The following RTL4 variants were observed in gnomAD, a reference collection of about 807,000 sequenced individuals.
The protein encoded by RTL4 is retrotransposon Gag like 4.
RTL4 carries 4 observed loss-of-function variants against 5.3 expected under a neutral mutation model. The observed-to-expected ratio is 0.75, with a 90% CI of 0.37 to 1.72. RTL4 has a LOEUF of 1.72. Among genes scored for constraint, RTL4 ranks in the 40% most tolerant of loss-of-function variants. The pLI is 0.04. For synonymous variants in RTL4, 98 were observed against 87.3 expected, an observed-to-expected ratio of 1.12 and a Z score of -0.68; for missense variants, 260 against 227.1, an observed-to-expected ratio of 1.14 and a Z score of -0.93.
chrX:112,221,072 G>T, the RTL4 span, among the ~76,000 whole-genome samples: 1 of 112,056 alleles, frequency 8.9e-6, no homozygotes, highest in Non-Finnish European at 1.9e-5. Flanking sequence ...CTGAGACTGG[G>T]TAATTTATAC....
upstream of RTL4, among the ~76,000 whole-genome samples, chrX:112,450,810 A>G (rs1184533142): frequency 8.9e-6 from 1 of 112,179 alleles, no homozygotes; most frequent in South Asian, 3.7e-4. Flanking sequence ...AGGAAAATTT[A>G]AAATCTCACA....
At chrX:112,216,684 A>G in the RTL4 span, among the ~76,000 whole-genome samples, 1 of 111,903 alleles carries the variant, frequency 8.9e-6, no homozygotes, top group Non-Finnish European at 1.9e-5. Flanking sequence ...CCCCTCTTTT[A>G]AAGGATTTGT....
chrX:112,293,756 T>G, the RTL4 span, among the ~76,000 whole-genome samples: 1 of 112,273 alleles, frequency 8.9e-6, no homozygotes, highest in South Asian at 3.7e-4. Flanking sequence ...TTCCAAATTT[T>G]TAGGCTTAGA....
upstream of RTL4, among the ~76,000 whole-genome samples, chrX:112,451,350 A>G (rs1174413777): frequency 9.0e-6 from 1 of 110,881 alleles, no homozygotes. Flanking sequence ...ACAACAAAAA[A>G]TAGCCAGGCG....
chrX:112,239,718 C>A, the RTL4 span, among the ~76,000 whole-genome samples: 1 of 111,632 alleles, frequency 9.0e-6, no homozygotes, highest in Non-Finnish European at 1.9e-5. Flanking sequence ...AACTTCCATT[C>A]CACCATCTGC....
chrX:112,285,614 C>T, the RTL4 span, among the ~76,000 whole-genome samples: 3 of 111,650 alleles, frequency 2.7e-5, no homozygotes, highest in Non-Finnish European at 5.7e-5. Context: ...TGGTATTCAT[C>T]ATATCAGTCT....
chrX:112,121,399 T>C, the RTL4 span, among the ~76,000 whole-genome samples: 1 of 111,758 alleles, frequency 8.9e-6, no homozygotes, highest in South Asian at 3.7e-4. Context: ...AAAGAACAAA[T>C]TTCTAGAAAA....
chrX:112,409,893 G>A, the RTL4 span, among the ~76,000 whole-genome samples: 1 of 109,012 alleles, frequency 9.2e-6, no homozygotes, highest in Admixed American at 9.8e-5. Context: ...TACATTGAAT[G>A]TAAATGGACT....
At chrX:112,091,959 A>G in the RTL4 span, among the ~76,000 whole-genome samples, 1 of 111,183 alleles carries the variant, frequency 9.0e-6, no homozygotes, top group East Asian at 2.8e-4. Context: ...TGACCCTTTT[A>G]CCAATATATA....
chrX:112,426,259 C>T, the RTL4 span, among the ~76,000 whole-genome samples: 1 of 111,274 alleles, frequency 9.0e-6, no homozygotes, highest in African/African-American at 3.3e-5. Flanking sequence ...TTTCTGAGAT[C>T]TCTATTCTAT....
At chrX:112,366,366 T>C in the RTL4 span, among the ~76,000 whole-genome samples, 1 of 111,676 alleles carries the variant, frequency 9.0e-6, no homozygotes. Context: ...GCCTGACATA[T>C]GCTACACAGA....
At chrX:112,455,964 G>A (rs778107590) in exon 1 of RTL4, 29 of 326,311 alleles carry the variant, frequency 8.9e-5, no homozygotes, top group Non-Finnish European at 1.3e-4. Context: ...GAAAATAACC[G>A]TGGAAGCACA....
chrX:112,139,249 G>A, the RTL4 span, among the ~76,000 whole-genome samples: 840 of 111,279 alleles, frequency 7.5e-3, 7 homozygotes, highest in African/African-American at 0.026. Flanking sequence ...TTGATCACTT[G>A]GTTAAGGTTG....
the RTL4 span, among the ~76,000 whole-genome samples, chrX:112,375,369 C>T: frequency 9.0e-6 from 1 of 111,077 alleles, no homozygotes; most frequent in South Asian, 3.8e-4. Flanking sequence ...TAAGGTTCTG[C>T]AGCCTCTCTT....
At chrX:112,293,129 G>C in the RTL4 span, among the ~76,000 whole-genome samples, 1 of 112,181 alleles carries the variant, frequency 8.9e-6, no homozygotes, top group Admixed American at 9.5e-5. Flanking sequence ...GTAACTCAAA[G>C]GTGATGCCAG....
chrX:112,129,939 C>T, the RTL4 span, among the ~76,000 whole-genome samples: 1 of 111,698 alleles, frequency 9.0e-6, no homozygotes, highest in Admixed American at 9.5e-5. Flanking sequence ...ATTCTGACAA[C>T]AGATATATAA....
the RTL4 span, among the ~76,000 whole-genome samples, chrX:112,379,438 T>C: frequency 8.9e-6 from 1 of 112,533 alleles, no homozygotes; most frequent in African/African-American, 3.2e-5. Flanking sequence ...ATTTTCTACT[T>C]ACGTAATCAT....
the RTL4 span, among the ~76,000 whole-genome samples, chrX:112,303,211 C>G: frequency 4.5e-5 from 5 of 111,602 alleles, no homozygotes; most frequent in African/African-American, 1.6e-4. Flanking sequence ...AGAAGAGAAA[C>G]AGTTTGCTCC....
chrX:112,386,401 G>A, the RTL4 span, among the ~76,000 whole-genome samples: 1 of 110,777 alleles, frequency 9.0e-6, no homozygotes, highest in Non-Finnish European at 1.9e-5. Flanking sequence ...GTAGTATTTG[G>A]TTACATGTGT....
Sources: allele counts gnomAD v4.1 joint callset (sites outside exome capture counted in the v4.1 genomes callset), GRCh38; gene constraint gnomAD v4.1.1; transcripts MANE v1.5; gene names NCBI Gene and HGNC (gene_info 2026-07-23, HGNC 2026-07-21).